Variants in ATP8A2 observed in about 807,000 individuals in gnomAD.
The protein encoded by ATP8A2 is ATPase phospholipid transporting 8A2, also known as phospholipid-transporting ATPase IB.
A neutral mutation model predicts 165.6 loss-of-function variants in ATP8A2; 100 were observed. The observed-to-expected ratio is 0.60, with a 90% CI of 0.51 to 0.71. The LOEUF (loss-of-function observed/expected upper bound fraction) is 0.71. Among genes scored for constraint, ATP8A2 ranks in the 30% least tolerant of loss-of-function variants. The probability of loss-of-function intolerance (pLI) is 0.00; values close to 1 mark genes in which losing one functional copy is unlikely to be tolerated. For missense variants in ATP8A2, 1,227 were observed against 1,479.5 expected, an observed-to-expected ratio of 0.83 and a Z score of 2.80; for synonymous variants, 543 against 548.8, an observed-to-expected ratio of 0.99 and a Z score of 0.15.
At chr13:25,581,289 C>T (rs1202081199) in intron 22 of ATP8A2, among the ~76,000 whole-genome samples, 1 of 152,202 alleles carries the variant, frequency 6.6e-6, no homozygotes, top group African/African-American at 2.4e-5. Flanking sequence ...TCAGCATGAG[C>T]TGATCTGCCC....
At chr13:25,729,495 A>G (rs938413941) in intron 25 of ATP8A2, among the ~76,000 whole-genome samples, 1 of 152,218 alleles carries the variant, frequency 6.6e-6, no homozygotes, top group African/African-American at 2.4e-5. Flanking sequence ...AAGAAGTTGA[A>G]TGTCCACTGG....
At chr13:25,782,859 C>G (rs1163036756) in intron 27 of ATP8A2, among the ~76,000 whole-genome samples, 1 of 152,106 alleles carries the variant, frequency 6.6e-6, no homozygotes. Context: ...CTTGCCTCAG[C>G]CTCCCGAGTA....
chr13:25,516,145 C>T (rs1053812466), intron 2 of ATP8A2, among the ~76,000 whole-genome samples: 2 of 152,190 alleles, frequency 1.3e-5, no homozygotes, highest in Non-Finnish European at 2.9e-5. Flanking sequence ...ATCATCTCAG[C>T]TCCCGATGTT....
At chr13:25,658,898 T>C (rs758932627) in intron 24 of ATP8A2, among the ~76,000 whole-genome samples, 7 of 152,226 alleles carry the variant, frequency 4.6e-5, no homozygotes, top group Non-Finnish European at 8.8e-5. Context: ...CTCAACCTGG[T>C]ACTACTGTAG....
chr13:25,640,951 T>C (rs2041503922), intron 24 of ATP8A2, among the ~76,000 whole-genome samples: 1 of 152,138 alleles, frequency 6.6e-6, no homozygotes, highest in Admixed American at 6.5e-5. Context: ...TGGTTCAACA[T>C]ACGCAAATCA....
chr13:25,464,549 C>A (rs549005140), intron 1 of ATP8A2, among the ~76,000 whole-genome samples: 1 of 151,978 alleles, frequency 6.6e-6, no homozygotes, highest in Admixed American at 6.6e-5. Context: ...AATAGGTCAG[C>A]CATATGCAGA....
intron 24 of ATP8A2, among the ~76,000 whole-genome samples, chr13:25,655,100 G>T (rs1214383732): frequency 1.3e-5 from 2 of 152,192 alleles, no homozygotes; most frequent in Admixed American, 6.6e-5. Context: ...CATTGAGGAA[G>T]TAGGCACTCA....
At chr13:26,008,938 CA>C (rs1410972700) in intron 35 of ATP8A2, among the ~76,000 whole-genome samples, 8 of 152,050 alleles carry the variant, frequency 5.3e-5, no homozygotes, top group African/African-American at 1.9e-4. Flanking sequence ...AAAATAAAAG[CA>C]AAAAACATGA....
At chr13:25,450,677 G>A (rs531703775) in intron 1 of ATP8A2, among the ~76,000 whole-genome samples, 43 of 152,086 alleles carry the variant, frequency 2.8e-4, no homozygotes, top group Middle Eastern at 3.4e-3. Flanking sequence ...GACTACAGGC[G>A]CCCGCCACCA....
chr13:25,568,104 A>G (rs2039368306), intron 16 of ATP8A2, among the ~76,000 whole-genome samples: 1 of 152,178 alleles, frequency 6.6e-6, no homozygotes, highest in Non-Finnish European at 1.5e-5. Context: ...CTATGTCATC[A>G]TTTCAAATTT....
intron 1 of ATP8A2, among the ~76,000 whole-genome samples, chr13:25,405,517 C>T (rs144911598): frequency 0.01 from 1,587 of 152,218 alleles, 27 homozygotes; most frequent in African/African-American, 0.036. Flanking sequence ...TCCCTCGCTT[C>T]GGACCTCTCT....
chr13:25,460,072 G>A (rs558315832), intron 1 of ATP8A2, among the ~76,000 whole-genome samples: 1 of 152,222 alleles, frequency 6.6e-6, no homozygotes, highest in Admixed American at 6.5e-5. Context: ...ATGATGGTGG[G>A]TGCCTATAAT....
chr13:25,481,551 A>C (rs1459170839), intron 2 of ATP8A2, among the ~76,000 whole-genome samples: 8 of 152,184 alleles, frequency 5.3e-5, no homozygotes, highest in African/African-American at 1.9e-4. Flanking sequence ...GGGACCTGGA[A>C]ATTGAAATGT....
chr13:25,691,241 A>G (rs1273850838), intron 24 of ATP8A2, among the ~76,000 whole-genome samples: 1 of 152,180 alleles, frequency 6.6e-6, no homozygotes, highest in East Asian at 1.9e-4. Flanking sequence ...GGGGATGATG[A>G]AAGTGTTCTG....
chr13:25,962,096 A>C (rs1350904997), intron 34 of ATP8A2, among the ~76,000 whole-genome samples: 1 of 152,230 alleles, frequency 6.6e-6, no homozygotes, highest in Non-Finnish European at 1.5e-5. Context: ...TATGAAGATC[A>C]ATAGGAATGT....
rs546069731 is a variant in ATP8A2, at chr13:25,949,599, A to G, written c.3184-11976A>G. 6.6e-5 allele frequency among the ~76,000 whole-genome samples: 10 copies of G among 152,260 alleles called. No individual in the cohort carries two copies. The East Asian group carries it at 1.7e-3, about 27-fold the overall frequency. On this transcript the variant is annotated intron_variant, in intron 33 of 36. Coordinates refer to ENST00000381655, the MANE Select transcript of ATP8A2 (RefSeq NM_016529.6). ...TGCCAGAGACACACAGGCCCCCAGC[A>G]TAATTCCTGGAAGCTGCAGTCTCAC...
chr13:25,505,209 G>GGC (rs1555284685), intron 2 of ATP8A2, among the ~76,000 whole-genome samples: 1 of 137,722 alleles, frequency 7.3e-6, no homozygotes, highest in African/African-American at 2.8e-5. Flanking sequence ...GGGCGGGGGG[G>GGC]GGTGGTGGTC....
chr13:25,649,042 C>A (rs1393766953), intron 24 of ATP8A2: 2 of 507,228 alleles, frequency 3.9e-6, no homozygotes, highest in African/African-American at 3.9e-5. Flanking sequence ...TTGTCAGTTT[C>A]TTTTGGAGAT....
At chr13:25,474,570 GAA>G (rs78146000) in intron 2 of ATP8A2, among the ~76,000 whole-genome samples, 1 of 113,456 alleles carries the variant, frequency 8.8e-6, no homozygotes, top group South Asian at 2.9e-4. Context: ...TCAAAAAAAA[GAA>G]AAAAAAAAAA....
Sources: allele counts gnomAD v4.1 joint callset (sites outside exome capture counted in the v4.1 genomes callset), GRCh38; gene constraint gnomAD v4.1.1; transcripts MANE v1.5; gene names NCBI Gene and HGNC (gene_info 2026-07-23, HGNC 2026-07-21).